Variants in RIMS1 observed in about 807,000 individuals in gnomAD.
The protein encoded by RIMS1 is regulating synaptic membrane exocytosis protein 1.
RIMS1 carries 83 observed loss-of-function variants against 214.1 expected under a neutral mutation model. That is an observed-to-expected ratio of 0.39 (90% CI 0.32 to 0.47). The LOEUF (loss-of-function observed/expected upper bound fraction) is 0.47, where lower values mean the gene tolerates loss of function less well. Ranked by LOEUF, RIMS1 falls within the 20% of genes least tolerant of loss-of-function variation. The pLI is 0.99. For synonymous variants in RIMS1, 793 were observed against 786.8 expected, an observed-to-expected ratio of 1.01 and a Z score of -0.13; for missense variants, 2,050 against 2,161.8, an observed-to-expected ratio of 0.95 and a Z score of 1.03.
chr6:72,105,706 G>A (rs910675622), intron 4 of RIMS1, among the ~76,000 whole-genome samples: 1 of 152,040 alleles, frequency 6.6e-6, no homozygotes, highest in Non-Finnish European at 1.5e-5. Flanking sequence ...TAACTATAAT[G>A]CTATGTTGCT....
chr6:72,232,610 C>T (rs1365062718), intron 6 of RIMS1, among the ~76,000 whole-genome samples: 1 of 151,428 alleles, frequency 6.6e-6, no homozygotes, highest in Non-Finnish European at 1.5e-5. Context: ...CTAATATTAA[C>T]CCCTGCATAG....
intron 16 of RIMS1, among the ~76,000 whole-genome samples, chr6:72,253,253 C>T (rs938199516): frequency 1.1e-4 from 16 of 152,186 alleles, no homozygotes; most frequent in South Asian, 2.1e-4. Flanking sequence ...AGGTGCATGG[C>T]GGGGTTTAAA....
intron 14 of RIMS1, 36 bp from the exon 15 acceptor site, chr6:72,251,179 A>G: frequency 6.4e-7 from 1 of 1,572,572 alleles, no homozygotes; most frequent in Non-Finnish European, 8.6e-7. Flanking sequence ...TGTTTTGATA[A>G]AGGTACTTGA....
intron 29 of RIMS1, among the ~76,000 whole-genome samples, chr6:72,362,923 G>A (rs1258611611): frequency 2.6e-5 from 4 of 152,196 alleles, no homozygotes; most frequent in Non-Finnish European, 5.9e-5. Context: ...GTACATGCCA[G>A]GCACTATGCT....
At chr6:72,032,657 A>G (rs1430978435) in intron 2 of RIMS1, among the ~76,000 whole-genome samples, 2 of 152,190 alleles carry the variant, frequency 1.3e-5, no homozygotes, top group Non-Finnish European at 2.9e-5. Flanking sequence ...AAAATGTGTA[A>G]AATAAATTCA....
chr6:72,049,322 T>G (rs1823965171), intron 2 of RIMS1, among the ~76,000 whole-genome samples: 3 of 152,102 alleles, frequency 2.0e-5, no homozygotes, highest in Non-Finnish European at 4.4e-5. Context: ...TCAGAGCCCG[T>G]ATTTGGGAAC....
intron 29 of RIMS1, among the ~76,000 whole-genome samples, chr6:72,368,224 A>G (rs1042745777): frequency 5.3e-5 from 8 of 151,236 alleles, no homozygotes; most frequent in African/African-American, 1.9e-4. Flanking sequence ...TAAGTAAAAA[A>G]GTTTCTTTTT....
At chr6:72,333,189 A>G (rs1294602503) in intron 28 of RIMS1, among the ~76,000 whole-genome samples, 1 of 151,934 alleles carries the variant, frequency 6.6e-6, no homozygotes, top group Non-Finnish European at 1.5e-5. Flanking sequence ...GCACATTTAA[A>G]GAGTGTACGT....
rs2041928715 is a variant in RIMS1, at chr6:72,140,318, CAG to C, written c.472-39255_472-39254del. 4.6e-5 allele frequency among the ~76,000 whole-genome samples: 7 copies of C among 152,024 alleles called. 1 individual carries two copies. In the South Asian group the frequency reaches 1.5e-3, roughly 32 times the overall value. ...TATAATCCTATCTGCCAAGTAGTAACAGAATTAAAAATCAGAAATTATATTGG... is the reference window on the plus strand; with the variant it reads ...TATAATCCTATCTGCCAAGTAGTAACAATTAAAAATCAGAAATTATATTGG... On this transcript the variant is annotated intron_variant, in intron 4 of 33. Coordinates refer to ENST00000521978, the MANE Select transcript of RIMS1 (RefSeq NM_014989.7).
rs1008319329 is a variant in RIMS1 at position 72,038,198 on chromosome 6, A to T, written c.246-58751A>T. Among the ~76,000 whole-genome samples the T allele has an allele frequency of 4.3e-5, 6 of 139,822 alleles. No homozygotes were observed. In the South Asian group the frequency reaches 1.4e-3, roughly 33 times the overall value. 91.7% of individuals were successfully genotyped at this position (139,822 alleles called of 152,430 possible). A position where few individuals can be genotyped will look rare whatever the true frequency, so the allele number is the denominator to read the frequency against. On this transcript the variant is annotated intron_variant, in intron 2 of 33. Transcript: ENST00000521978. ...CCACCCCCAGTTTTCCAAGGACACT[A>T]TGGAAGTCTTCAGTAAAAAAGGTTA...
chr6:72,402,463 G>T lies in RIMS1; in HGVS notation c.*1749G>T, dbSNP rs2098840712. ...TATTTTGGTGTAGATTCCTACTGTG[G>T]GGCTGTAACACATGTAGACACTGTG... On this transcript the variant is annotated 3_prime_UTR_variant, in exon 34 of 34. Transcript: ENST00000521978. 6.6e-6 allele frequency: 1 copy of T among 152,360 alleles called. No individual in the cohort carries two copies. The allele number at this position is 152,360 out of a possible 1,614,324, so 9.4% of individuals were successfully genotyped here.
At chr6:72,382,735 C>A (rs531252923) in intron 29 of RIMS1, among the ~76,000 whole-genome samples, 1 of 152,290 alleles carries the variant, frequency 6.6e-6, no homozygotes, top group South Asian at 2.1e-4. Flanking sequence ...GTAGTTAACT[C>A]GAGGGACCAT....
intron 22 of RIMS1, among the ~76,000 whole-genome samples, chr6:72,271,286 A>AATATATATATATATATATATATAT (rs1222564699): frequency 2.7e-4 from 12 of 44,366 alleles, no homozygotes; most frequent in South Asian, 8.8e-4. Context: ...AAAAAAAAAA[A>AATATATATATATATATATATATAT]ATATATATAT....
intron 22 of RIMS1, among the ~76,000 whole-genome samples, chr6:72,271,286 A>AATATATATATATATATATATATATAT (rs1222564699): frequency 1.8e-4 from 8 of 44,394 alleles, no homozygotes; most frequent in South Asian, 8.8e-4. Context: ...AAAAAAAAAA[A>AATATATATATATATATATATATATAT]ATATATATAT....
At chr6:72,064,388 CGAAG>C (rs1422666242) in intron 2 of RIMS1, among the ~76,000 whole-genome samples, 1 of 151,214 alleles carries the variant, frequency 6.6e-6, no homozygotes, top group Non-Finnish European at 1.5e-5. Flanking sequence ...AAGGAAGGAA[CGAAG>C]GAAGGAAGGA....
intron 16 of RIMS1, 55 bp downstream of exon 16, chr6:72,252,887 C>T (rs935686439): frequency 7.4e-7 from 1 of 1,360,210 alleles, no homozygotes; most frequent in Non-Finnish European, 1.0e-6. Flanking sequence ...CTTGTTTTCT[C>T]TGTCAGCTTC....
At position 71,932,758 on chromosome 6, in the gene RIMS1, G is replaced by A. The variant is rs546389246; in HGVS notation, c.165-36225G>A. Among the ~76,000 whole-genome samples, 7 of 152,208 alleles carry A rather than the reference G, an allele frequency of 4.6e-5. No homozygotes were observed. The South Asian group carries it at 1.4e-3, about 32-fold the overall frequency. On this transcript the variant is annotated intron_variant, in intron 1 of 33. Coordinates refer to ENST00000521978, the MANE Select transcript of RIMS1 (RefSeq NM_014989.7). ...CCAGAGCAGCTGGAACTATAGGCATGTATTATCATGATCCCATGGTAAAAT... is the reference window on the plus strand; with the variant it reads ...CCAGAGCAGCTGGAACTATAGGCATATATTATCATGATCCCATGGTAAAAT...
intron 1 of RIMS1, among the ~76,000 whole-genome samples, chr6:71,938,303 C>G (rs6453568): frequency 0.015 from 2,343 of 152,200 alleles, 50 homozygotes; most frequent in African/African-American, 0.052. Flanking sequence ...CTGAGGTGGC[C>G]TTGCTTTCAT....
intron 11 of RIMS1, among the ~76,000 whole-genome samples, chr6:72,246,346 G>C (rs957307965): frequency 1.3e-4 from 20 of 152,144 alleles, no homozygotes; most frequent in African/African-American, 4.8e-4. Flanking sequence ...AATAGGTCAA[G>C]AGATTGTGAA....
Sources: gnomAD v4.1 joint callset for allele counts (sites outside exome capture counted in the v4.1 genomes callset) on GRCh38, gnomAD v4.1.1 for gene constraint, MANE v1.5 for transcripts, NCBI Gene and HGNC (gene_info 2026-07-23, HGNC 2026-07-21) for gene names.